The following HLCS variants were observed in gnomAD, a reference collection of about 807,000 sequenced individuals.
The protein encoded by HLCS is biotin--protein ligase.
HLCS carries 53 observed loss-of-function variants against 75.0 expected under a neutral mutation model. That is an observed-to-expected ratio of 0.71 (90% CI 0.57 to 0.89). The LOEUF (loss-of-function observed/expected upper bound fraction) is 0.89, where lower values mean the gene tolerates loss of function less well. HLCS is among the 40% of genes least tolerant of loss of function. HLCS has a pLI of 0.00. For synonymous variants in HLCS, 431 were observed against 428.6 expected (o/e 1.01, Z -0.07); for missense variants, 966 against 1,074.0 (o/e 0.90, Z 1.41).
intron 5 of HLCS, among the ~76,000 whole-genome samples, chr21:36,914,733 C>T (rs1028892953): frequency 6.6e-6 from 1 of 152,212 alleles, no homozygotes; most frequent in South Asian, 2.1e-4. Context: ...GCTCTAACGG[C>T]GAGGGCGGCT....
chr21:36,838,709 A>G (rs1601462123), intron 6 of HLCS, among the ~76,000 whole-genome samples: 1 of 68,482 alleles, frequency 1.5e-5, no homozygotes, highest in African/African-American at 6.1e-5. Flanking sequence ...GTCTCAAAAG[A>G]AAAAAAAAAA....
At chr21:36,972,266 C>T (rs2068812443) in intron 1 of HLCS, 1 of 152,188 alleles carries the variant, frequency 6.6e-6, no homozygotes, top group Non-Finnish European at 1.5e-5. Flanking sequence ...AATGTTCTAA[C>T]TTCAACTAAA....
In HLCS at chr21:36,756,538, T is replaced by C. The variant is rs747420311; in HGVS notation, c.2450+4A>G. The C allele has an allele frequency of 1.0e-5, 16 of 1,588,934 alleles. No homozygotes were observed. The highest frequency in any genetic ancestry group is 1.3e-5 in the Non-Finnish European group (15 of 1,163,864). Reference sequence around the variant, plus strand: ...GAAAAGAATGAAGATGAGCCAGCACTGACCTGTGGACCCAGTATCGGTAAT... The same window carrying C: ...GAAAAGAATGAAGATGAGCCAGCACCGACCTGTGGACCCAGTATCGGTAAT... On this transcript the variant is annotated splice_donor_region_variant and intron_variant, in intron 10 of 10. Transcript: ENST00000674895.
intron 6 of HLCS, among the ~76,000 whole-genome samples, chr21:36,778,443 C>T (rs903981842): frequency 2.6e-5 from 4 of 151,960 alleles, no homozygotes; most frequent in African/African-American, 9.7e-5. Flanking sequence ...CCATACCCAG[C>T]TAATTTTTGT....
chr21:36,867,921 T>C (rs1483768394), intron 6 of HLCS, among the ~76,000 whole-genome samples: 1 of 151,936 alleles, frequency 6.6e-6, no homozygotes, highest in African/African-American at 2.4e-5. Context: ...TCTCTTACGG[T>C]TGGGAGGATC....
chr21:36,886,214 G>C (rs1601625998), intron 6 of HLCS, among the ~76,000 whole-genome samples: 1 of 151,826 alleles, frequency 6.6e-6, no homozygotes, highest in East Asian at 1.9e-4. Context: ...GGCGGATCAC[G>C]AGGTCAGGAA....
At position 36,956,598 on chromosome 21, in the gene HLCS, T is replaced by C. The variant is rs573097685; in HGVS notation, c.330+5438A>G. ...AAAAAAAATTAGCCGGGTGTGGTGG[T>C]GGGCGCCTGTAGTCCCAGCTACTCG... is the stretch of plus-strand genomic sequence containing the variant. On this transcript the variant is annotated intron_variant, in intron 2 of 10. Transcript: ENST00000674895. Among the ~76,000 whole-genome samples the C allele has an allele frequency of 2.3e-3, 354 of 151,734 alleles. 1 individual carries two copies. Among genetic ancestry groups the C allele is most frequent in the African/African-American group, 6.4e-3 (264 of 41,388 alleles).
At chr21:36,800,321 C>T (rs376617792) in intron 6 of HLCS, among the ~76,000 whole-genome samples, 3 of 152,202 alleles carry the variant, frequency 2.0e-5, no homozygotes, top group African/African-American at 4.8e-5. Context: ...GTGGGTACTC[C>T]GTAACTACTT....
intron 6 of HLCS, among the ~76,000 whole-genome samples, chr21:36,783,708 G>C (rs777173982): frequency 7.9e-5 from 12 of 152,132 alleles, no homozygotes; most frequent in Admixed American, 2.6e-4. Context: ...CTTCATTCGC[G>C]ATCACCAGAT....
chr21:36,791,241 C>A (rs2060853609), intron 6 of HLCS, among the ~76,000 whole-genome samples: 1 of 152,130 alleles, frequency 6.6e-6, no homozygotes, highest in Admixed American at 6.5e-5. Context: ...CATAGGATGT[C>A]CGGGGCAACA....
chr21:36,946,145 A>G, intron 2 of HLCS: 7 of 982,720 alleles, frequency 7.1e-6, no homozygotes, highest in Non-Finnish European at 8.5e-6. Context: ...CTAGTGGGCA[A>G]AAACCGAACC....
chr21:36,810,080 G>A (rs1264128407), intron 6 of HLCS, among the ~76,000 whole-genome samples: 1 of 152,210 alleles, frequency 6.6e-6, no homozygotes. Flanking sequence ...AAAACCTTGT[G>A]TGACTCTCCA....
intron 6 of HLCS, among the ~76,000 whole-genome samples, chr21:36,872,363 C>A (rs1265145865): frequency 6.6e-6 from 1 of 151,222 alleles, no homozygotes; most frequent in African/African-American, 2.4e-5. Flanking sequence ...TGCACTCCAG[C>A]CTGGGTGACA....
intron 8 of HLCS, among the ~76,000 whole-genome samples, chr21:36,764,592 C>T (rs2145765853): frequency 6.6e-6 from 1 of 152,052 alleles, no homozygotes; most frequent in East Asian, 1.9e-4. Flanking sequence ...ATGGTCCCAG[C>T]TACTCGGGAG....
At position 36,941,127 on chromosome 21, in the gene HLCS, G is replaced by A. The variant is rs576674547; in HGVS notation, c.331-2133C>T. ...TTCAGGAGGCTGAGGCAGGAGAATCGCTTAAACCCAGGAGTTGGAGGTTGC... is the reference window on the plus strand; with the variant it reads ...TTCAGGAGGCTGAGGCAGGAGAATCACTTAAACCCAGGAGTTGGAGGTTGC... On this transcript the variant is annotated intron_variant, in intron 2 of 10. Transcript: ENST00000674895. Among the ~76,000 whole-genome samples the A allele has an allele frequency of 4.6e-5, 7 of 152,174 alleles. No individual in the cohort carries two copies. The East Asian group carries it at 7.7e-4, about 17-fold the overall frequency.
At chr21:36,758,782 A>G (rs974574976) in intron 9 of HLCS, among the ~76,000 whole-genome samples, 7 of 152,078 alleles carry the variant, frequency 4.6e-5, no homozygotes, top group African/African-American at 1.4e-4. Context: ...GGAGTTTGAT[A>G]CCAGCCTGGC....
chr21:36,802,842 C>T (rs2061248248), intron 6 of HLCS, among the ~76,000 whole-genome samples: 1 of 152,196 alleles, frequency 6.6e-6, no homozygotes, highest in Non-Finnish European at 1.5e-5. Context: ...AGGCTTTCAC[C>T]AGTCCATAGT....
At chr21:36,828,690 T>C (rs1409159550) in intron 6 of HLCS, among the ~76,000 whole-genome samples, 1 of 152,198 alleles carries the variant, frequency 6.6e-6, no homozygotes, top group Non-Finnish European at 1.5e-5. Flanking sequence ...AATTGATCCC[T>C]AGCATAAAAG....
At chr21:36,886,622 T>C (rs1212420596) in intron 6 of HLCS, among the ~76,000 whole-genome samples, 1 of 152,130 alleles carries the variant, frequency 6.6e-6, no homozygotes, top group African/African-American at 2.4e-5. Context: ...AGTAAAATGA[T>C]ACTCAACTGC....
Sources: allele counts gnomAD v4.1 joint callset (sites outside exome capture counted in the v4.1 genomes callset), GRCh38; gene constraint gnomAD v4.1.1; transcripts MANE v1.5; gene names NCBI Gene and HGNC (gene_info 2026-07-23, HGNC 2026-07-21).